ACOT13: variants seen among roughly 807,000 people sequenced by gnomAD.
ACOT13 encodes the protein acyl-coenzyme A thioesterase 13.
A neutral mutation model predicts 11.8 loss-of-function variants in ACOT13; 10 were observed. That is an observed-to-expected ratio of 0.85 (90% CI 0.53 to 1.44). ACOT13 has a LOEUF of 1.44. Ranked by LOEUF, ACOT13 falls within the 40% of genes most tolerant of loss-of-function variation. ACOT13 has a pLI of 0.00. For synonymous variants in ACOT13, 53 were observed against 61.0 expected (o/e 0.87, Z 0.61); for missense variants, 172 against 174.1 (o/e 0.99, Z 0.07).
chr6:24,684,557 T>TTTCCCAGAAGC lies in ACOT13; in HGVS notation c.82-13325_82-13324insTCCCAGAAGCT, dbSNP rs1778600159. ...ACTGATATGCCCGTTGAACCAGAAG[T>TTTCCCAGAAGC]TGCAGTACGGCTGAAGTGTCCAGAT... is the stretch of plus-strand genomic sequence containing the variant. On this transcript the variant is annotated intron_variant, in intron 1 of 2. Coordinates refer to ENST00000230048, the MANE Select transcript of ACOT13 (RefSeq NM_018473.4). Among the ~76,000 whole-genome samples the TTTCCCAGAAGC allele has an allele frequency of 4.6e-5, 7 of 152,348 alleles. No individual in the cohort carries two copies. The South Asian group carries it at 1.2e-3, about 27-fold the overall frequency.
intron 1 of ACOT13, among the ~76,000 whole-genome samples, chr6:24,677,169 G>A (rs1778467414): frequency 6.6e-6 from 1 of 152,128 alleles, no homozygotes; most frequent in South Asian, 2.1e-4. Flanking sequence ...TCAGTCAAGG[G>A]AACCCCTAAA....
intron 1 of ACOT13, among the ~76,000 whole-genome samples, chr6:24,676,138 A>C (rs551015726): frequency 2.0e-5 from 3 of 152,288 alleles, no homozygotes; most frequent in Admixed American, 1.3e-4. Flanking sequence ...CTTGTAGTAT[A>C]GTTTGAAGTC....
At chr6:24,667,761 T>A (rs1582429616) in intron 1 of ACOT13, among the ~76,000 whole-genome samples, 1 of 152,162 alleles carries the variant, frequency 6.6e-6, no homozygotes, top group East Asian at 1.9e-4. Context: ...CTTGGTAGAG[T>A]GGTGAACGAA....
chr6:24,685,300 G>A (rs779527303), intron 1 of ACOT13, among the ~76,000 whole-genome samples: 6 of 144,384 alleles, frequency 4.2e-5, no homozygotes, highest in Non-Finnish European at 9.1e-5. Context: ...CATAAATCTA[G>A]TTGTAGACAT....
Position 24,701,746 on chromosome 6 carries a change from C to A in ACOT13, c.*131C>A. ...AGAAATATTCTTGGAGGAAAAGGAC[C>A]TGGATATCAAGTAGGGTAAAGGTGG... On this transcript the variant is annotated 3_prime_UTR_variant, in exon 3 of 3. Coordinates refer to ENST00000230048, the MANE Select transcript of ACOT13 (RefSeq NM_018473.4). 1.0e-6 allele frequency: 1 copy of A among 958,854 alleles called. No individual in the cohort carries two copies. Among genetic ancestry groups the A allele is most frequent in the Non-Finnish European group, 1.5e-6 (1 of 672,620 alleles). 59.4% of individuals were successfully genotyped at this position (958,854 alleles called of 1,614,324 possible). A position where few individuals can be genotyped will look rare whatever the true frequency, so the allele number is the denominator to read the frequency against.
At chr6:24,699,460 T>C (rs1454592634) in intron 2 of ACOT13, among the ~76,000 whole-genome samples, 3 of 152,320 alleles carry the variant, frequency 2.0e-5, no homozygotes, top group East Asian at 3.9e-4. Flanking sequence ...TCTGCCCGCC[T>C]TGGCCTCCCA....
rs372002022 is a variant in ACOT13 at position 24,672,375 on chromosome 6, T to C, written c.81+5031T>C. On this transcript the variant is annotated intron_variant, in intron 1 of 2. Coordinates refer to ENST00000230048, the MANE Select transcript of ACOT13 (RefSeq NM_018473.4). ...ATAATTTCTAACTGGGCGTGGTGGC[T>C]CACGCCTATAATCCCAGCACTTTGG... Among the ~76,000 whole-genome samples, 3 of 152,254 alleles carry C rather than the reference T, an allele frequency of 2.0e-5. No homozygotes were observed. In the East Asian group the frequency reaches 5.8e-4, roughly 29 times the overall value.
intron 2 of ACOT13, among the ~76,000 whole-genome samples, chr6:24,699,440 C>G (rs574890923): frequency 2.9e-4 from 44 of 152,222 alleles, no homozygotes; most frequent in Middle Eastern, 3.4e-3. Flanking sequence ...TCGATCTCCT[C>G]ACCTTGTGAT....
In ACOT13 at chr6:24,701,505, C is replaced by T; in HGVS notation, c.313C>T (p.His105Tyr). ...AGGAGAAGATATAGTGATTACAGCA[C>T]ATGTTCTGAAGCAAGGAAAAACACT... is the stretch of plus-strand genomic sequence containing the variant. ...KLGEDIVITAHVLKQGKTLAF... is the reference protein window; with the variant it reads ...KLGEDIVITAYVLKQGKTLAF... The change falls in exon 3 of 3, where the codon CAT (histidine) becomes TAT (tyrosine). Residue 105 changes from histidine to tyrosine, a missense_variant. His to Tyr is a moderately conservative substitution (Grantham distance 83). Coordinates refer to ENST00000230048, the MANE Select transcript of ACOT13 (RefSeq NM_018473.4). 6.2e-7 allele frequency: 1 copy of T among 1,613,068 alleles called. No homozygotes were observed. The highest frequency in any genetic ancestry group is 1.7e-5 in the Admixed American group (1 of 59,976).
chr6:24,668,523 A>T (rs537277930), intron 1 of ACOT13, among the ~76,000 whole-genome samples: 6 of 152,310 alleles, frequency 3.9e-5, no homozygotes, highest in African/African-American at 1.4e-4. Flanking sequence ...GCCCCGCCAA[A>T]AGCAGGGATT....
At chr6:24,672,668 A>G (rs1778383280) in intron 1 of ACOT13, among the ~76,000 whole-genome samples, 1 of 151,866 alleles carries the variant, frequency 6.6e-6, no homozygotes, top group African/African-American at 2.4e-5. Flanking sequence ...AAAAGATATA[A>G]CTTCCATAAG....
Position 24,704,613 on chromosome 6 carries a change from A to G in ACOT13, c.*2998A>G, listed in dbSNP as rs1004718212. 1 of 152,254 alleles carries G rather than the reference A, an allele frequency of 6.6e-6. No homozygotes were observed. The highest frequency in any genetic ancestry group is 1.5e-5 in the Non-Finnish European group (1 of 68,046). 9.4% of individuals were successfully genotyped at this position (152,254 alleles called of 1,614,324 possible). ...ATTTCAAATAGATTCTAATTTTTAA[A>G]TAAGAGGACACATGAAAGCATTTTG... On this transcript the variant is annotated 3_prime_UTR_variant, in exon 3 of 3. Coordinates refer to ENST00000230048, the MANE Select transcript of ACOT13 (RefSeq NM_018473.4).
intron 1 of ACOT13, among the ~76,000 whole-genome samples, chr6:24,675,470 C>G (rs550907786): frequency 1.3e-5 from 2 of 152,306 alleles, no homozygotes; most frequent in African/African-American, 4.8e-5. Flanking sequence ...TTGCATTTCT[C>G]TGATGGCCAG....
At chr6:24,668,251 C>G (rs192467972) in intron 1 of ACOT13, among the ~76,000 whole-genome samples, 5 of 151,946 alleles carry the variant, frequency 3.3e-5, no homozygotes, top group African/African-American at 1.2e-4. Context: ...TGGAGTCTTG[C>G]TCTGTTGCCC....
chr6:24,674,500 C>G (rs1017210762), intron 1 of ACOT13, among the ~76,000 whole-genome samples: 3 of 152,160 alleles, frequency 2.0e-5, no homozygotes, highest in African/African-American at 7.2e-5. Flanking sequence ...CGTCTGCTTC[C>G]TGTGTTCAAG....
intron 1 of ACOT13, among the ~76,000 whole-genome samples, chr6:24,694,858 G>T (rs1778770164): frequency 6.6e-6 from 1 of 152,118 alleles, no homozygotes; most frequent in African/African-American, 2.4e-5. Context: ...TTATTAGTAT[G>T]TCCTTTGGCC....
In ACOT13 at chr6:24,701,458, G is replaced by C. The variant is rs533782623; in HGVS notation, c.267-1G>C. On this transcript the variant is annotated splice_acceptor_variant, in intron 2 of 2. Transcript: ENST00000230048. LOFTEE classifies it high-confidence loss of function. ...GTTAACTATATTCATTTTCTTTCAA[G>C]GTACATGTCACCTGCAAAATTAGGA... 3 of 1,598,060 alleles carry C rather than the reference G, an allele frequency of 1.9e-6. No individual in the cohort carries two copies. Among genetic ancestry groups the C allele is most frequent in the South Asian group, 1.1e-5 (1 of 88,010 alleles).
At position 24,697,897 on chromosome 6, in the gene ACOT13, T is replaced by C; in HGVS notation, c.96T>C (p.Ser32=). ...TTTACACTTAGATTACTCTTGTCTC[T>C]GCTGCTCCTGGGAAAGTGATTTGTG... ...ERVLGKITLV[S]AAPGKVICEM... Residue 32 remains serine (S), a synonymous_variant, in exon 2 of 3, where the codon TCT becomes TCC. Coordinates refer to ENST00000230048, the MANE Select transcript of ACOT13 (RefSeq NM_018473.4). The C allele has an allele frequency of 6.2e-7, 1 of 1,609,914 alleles. No individual in the cohort carries two copies. The highest frequency in any genetic ancestry group is 8.5e-7 in the Non-Finnish European group (1 of 1,178,406).
chr6:24,702,092 T>G lies in ACOT13; in HGVS notation c.*477T>G, dbSNP rs1373657004. The G allele has an allele frequency of 6.5e-5, 10 of 152,688 alleles. No homozygotes were observed. Among genetic ancestry groups the G allele is most frequent in the Admixed American group, 6.5e-4 (10 of 15,294 alleles). The allele number at this position is 152,688 out of a possible 1,614,324, so 9.5% of individuals were successfully genotyped here. A position where few individuals can be genotyped will look rare whatever the true frequency, so the allele number is the denominator to read the frequency against. On this transcript the variant is annotated 3_prime_UTR_variant, in exon 3 of 3. Coordinates refer to ENST00000230048, the MANE Select transcript of ACOT13 (RefSeq NM_018473.4). ...TAGATGGTGCCTTCTCACTGTGTGG[T>G]GGAAGGGGCAAGTGAGCCCTCTGGG...
Sources: allele counts gnomAD v4.1 joint callset (sites outside exome capture counted in the v4.1 genomes callset), GRCh38; gene constraint gnomAD v4.1.1; transcripts MANE v1.5; gene names NCBI Gene and HGNC (gene_info 2026-07-23, HGNC 2026-07-21).